Variants in LRMDA observed in about 807,000 individuals in gnomAD.
LRMDA encodes the protein leucine rich melanocyte differentiation associated, also known as leucine-rich melanocyte differentiation-associated protein.
A neutral mutation model predicts 29.8 loss-of-function variants in LRMDA; 18 were observed. That is an observed-to-expected ratio of 0.60 (90% CI 0.42 to 0.90). The LOEUF (loss-of-function observed/expected upper bound fraction) is 0.90. Among genes scored for constraint, LRMDA ranks in the 40% least tolerant of loss-of-function variants. The probability of loss-of-function intolerance (pLI) is 0.00; values close to 1 mark genes in which losing one functional copy is unlikely to be tolerated. For missense variants in LRMDA, 273 were observed against 273.9 expected (o/e 1.00, Z 0.02); for synonymous variants, 125 against 109.4 (o/e 1.14, Z -0.89).
chr10:76,269,725 C>G (rs1840045322), intron 5 of LRMDA, among the ~76,000 whole-genome samples: 1 of 152,166 alleles, frequency 6.6e-6, no homozygotes, highest in African/African-American at 2.4e-5. Flanking sequence ...TTACTACTCG[C>G]TGAATTATTC....
chr10:75,961,326 GA>G (rs1385641556), intron 2 of LRMDA, among the ~76,000 whole-genome samples: 2 of 152,184 alleles, frequency 1.3e-5, no homozygotes, highest in Non-Finnish European at 2.9e-5. Flanking sequence ...TATTCCTAAT[GA>G]AAAGTACTTT....
intron 2 of LRMDA, among the ~76,000 whole-genome samples, chr10:75,774,185 A>T (rs947616118): frequency 6.6e-6 from 1 of 152,226 alleles, no homozygotes; most frequent in African/African-American, 2.4e-5. Context: ...AACATAAAAA[A>T]TAATTTATCT....
At chr10:75,560,842 A>G (rs982836085) in intron 2 of LRMDA, among the ~76,000 whole-genome samples, 36 of 152,000 alleles carry the variant, frequency 2.4e-4, no homozygotes, top group Non-Finnish European at 5.0e-4. Context: ...ACATTTATTG[A>G]TTTGCGTATA....
chr10:76,263,392 A>C (rs529739993), intron 5 of LRMDA, among the ~76,000 whole-genome samples: 195 of 152,182 alleles, frequency 1.3e-3, no homozygotes, highest in African/African-American at 4.6e-3. Context: ...ATAGAAAAAA[A>C]CTCTCCAGTT....
chr10:75,830,452 G>A, intron 2 of LRMDA, among the ~76,000 whole-genome samples: 1 of 152,160 alleles, frequency 6.6e-6, no homozygotes, highest in Non-Finnish European at 1.5e-5. Context: ...AGGTTTAATT[G>A]GACTTACAGT....
intron 5 of LRMDA, among the ~76,000 whole-genome samples, chr10:76,250,535 C>T (rs1470897240): frequency 3.9e-5 from 6 of 152,030 alleles, no homozygotes; most frequent in South Asian, 2.1e-4. Context: ...AAAGGGTATC[C>T]GTTTCTCATC....
intron 2 of LRMDA, among the ~76,000 whole-genome samples, chr10:75,477,299 A>G (rs186428932): frequency 6.6e-6 from 1 of 152,098 alleles, no homozygotes; most frequent in African/African-American, 2.4e-5. Context: ...GGCCCACCCT[A>G]ATAACCTCAT....
At position 76,509,261 on chromosome 10, in the gene LRMDA, A is replaced by G. The variant is rs981276176; in HGVS notation, c.602-47948A>G. Among the ~76,000 whole-genome samples, 8 of 152,242 alleles carry G rather than the reference A, an allele frequency of 5.3e-5. 1 individual carries two copies. The South Asian group carries it at 1.7e-3, about 32-fold the overall frequency. ...CCTTCCTGTGCATCCAATATAGGAT[A>G]CCAGAATCCTTTCCAAGATAGAATT... On this transcript the variant is annotated intron_variant, in intron 6 of 6. Transcript: ENST00000611255.
intron 2 of LRMDA, among the ~76,000 whole-genome samples, chr10:75,723,515 G>A (rs1842594758): frequency 6.6e-6 from 1 of 152,200 alleles, no homozygotes; most frequent in Non-Finnish European, 1.5e-5. Flanking sequence ...GAAGGAGGGG[G>A]CTCTTGGCCT....
intron 6 of LRMDA, among the ~76,000 whole-genome samples, chr10:76,481,892 C>T (rs761102706): frequency 5.3e-5 from 8 of 151,866 alleles, no homozygotes; most frequent in Non-Finnish European, 1.2e-4. Context: ...CATTATATAC[C>T]TCATTGACTC....
intron 5 of LRMDA, among the ~76,000 whole-genome samples, chr10:76,126,869 C>A (rs551893481): frequency 6.6e-6 from 1 of 152,316 alleles, no homozygotes; most frequent in Admixed American, 6.5e-5. Context: ...AGGCTCTCAG[C>A]ATTCTTCCTG....
At chr10:75,982,843 G>T (rs1847196635) in intron 2 of LRMDA, among the ~76,000 whole-genome samples, 1 of 152,174 alleles carries the variant, frequency 6.6e-6, no homozygotes, top group Admixed American at 6.5e-5. Context: ...CTATTGTTGA[G>T]CACCCACTAT....
intron 4 of LRMDA, among the ~76,000 whole-genome samples, chr10:76,055,457 C>A (rs1848598707): frequency 2.0e-5 from 3 of 152,322 alleles, no homozygotes; most frequent in Middle Eastern, 3.4e-3. Flanking sequence ...GTCACCGAAT[C>A]CTTGGGTTGT....
intron 6 of LRMDA, among the ~76,000 whole-genome samples, chr10:76,502,251 T>G (rs964827663): frequency 2.0e-5 from 3 of 152,088 alleles, no homozygotes; most frequent in Admixed American, 6.6e-5. Context: ...CAAGCTGTTT[T>G]GGGTACTGTG....
chr10:76,228,048 A>T (rs1851992489), intron 5 of LRMDA, among the ~76,000 whole-genome samples: 1 of 148,636 alleles, frequency 6.7e-6, no homozygotes, highest in Non-Finnish European at 1.5e-5. Context: ...TTTTAGACAG[A>T]GTCTCGCTCT....
intron 5 of LRMDA, among the ~76,000 whole-genome samples, chr10:76,173,414 C>T (rs983883364): frequency 1.3e-4 from 20 of 152,220 alleles, no homozygotes; most frequent in Admixed American, 7.2e-4. Flanking sequence ...AAACCTTGTT[C>T]TTTGAGACTA....
intron 2 of LRMDA, among the ~76,000 whole-genome samples, chr10:75,751,829 G>A (rs1437203620): frequency 6.6e-6 from 1 of 152,164 alleles, no homozygotes; most frequent in Non-Finnish European, 1.5e-5. Flanking sequence ...GTACCTTAGT[G>A]GAGGCCTTCA....
chr10:75,501,784 G>A (rs1424279147), intron 2 of LRMDA, among the ~76,000 whole-genome samples: 1 of 152,130 alleles, frequency 6.6e-6, no homozygotes, highest in Non-Finnish European at 1.5e-5. Context: ...ACTGCTCCCA[G>A]GTCTTAGTGA....
chr10:76,249,269 C>T (rs1589393574), intron 5 of LRMDA, among the ~76,000 whole-genome samples: 1 of 152,192 alleles, frequency 6.6e-6, no homozygotes, highest in South Asian at 2.1e-4. Context: ...GTACTCCTAG[C>T]GGGTGGCTAG....
Sources: allele counts gnomAD v4.1 joint callset (sites outside exome capture counted in the v4.1 genomes callset), GRCh38; gene constraint gnomAD v4.1.1; transcripts MANE v1.5; gene names NCBI Gene and HGNC (gene_info 2026-07-23, HGNC 2026-07-21).